The following ATP6V1C1 variants were observed in gnomAD, a reference collection of about 807,000 sequenced individuals.
ATP6V1C1 encodes V-type proton ATPase subunit C 1.
Under a neutral mutation model 53.9 loss-of-function variants are expected in ATP6V1C1, and 45 were observed. The observed-to-expected ratio is 0.83, with a 90% CI of 0.66 to 1.07. The LOEUF is 1.07. ATP6V1C1 is among the 50% of genes least tolerant of loss of function. The pLI is 0.00. For synonymous variants in ATP6V1C1, 153 were observed against 155.2 expected (o/e 0.99, Z 0.11); for missense variants, 315 against 440.3 (o/e 0.72, Z 2.55).
intron 1 of ATP6V1C1, among the ~76,000 whole-genome samples, chr8:103,029,759 G>A (rs1816764117): frequency 6.6e-6 from 1 of 151,204 alleles, no homozygotes. Context: ...TTGAGATGGA[G>A]TCTTGCTTTG....
At chr8:103,067,396 CAAAA>C (rs751801442) in intron 12 of ATP6V1C1, among the ~76,000 whole-genome samples, 1 of 71,952 alleles carries the variant, frequency 1.4e-5, no homozygotes, top group African/African-American at 4.6e-5. Context: ...GACTCCGTCC[CAAAA>C]AAAAAAAAAA....
chr8:103,032,559 C>A (rs111356868), intron 1 of ATP6V1C1, among the ~76,000 whole-genome samples: 1 of 152,010 alleles, frequency 6.6e-6, no homozygotes, highest in African/African-American at 2.4e-5. Context: ...CTCACTGCAA[C>A]CTCCACCTTT....
intron 5 of ATP6V1C1, among the ~76,000 whole-genome samples, chr8:103,051,592 C>T (rs1817200627): frequency 6.6e-6 from 1 of 152,084 alleles, no homozygotes; most frequent in Non-Finnish European, 1.5e-5. Context: ...GATCCTCTGC[C>T]TGGAAAAATT....
At position 103,026,919 on chromosome 8, in the gene ATP6V1C1, T is replaced by C. The variant is rs78907297; in HGVS notation, c.-40+5694T>C. Among the ~76,000 whole-genome samples, 860 of 152,326 alleles carry C rather than the reference T, an allele frequency of 5.6e-3. 5 individuals carry two copies. The highest frequency in any genetic ancestry group is 0.02 in the African/African-American group (815 of 41,566). ...AAATCCCCCTTCTAGTTACTGAAAA[T>C]GTTTAAACAAGTTGTATTATGAGCA... On this transcript the variant is annotated intron_variant, in intron 1 of 12. Coordinates refer to ENST00000518738, the MANE Select transcript of ATP6V1C1 (RefSeq NM_001695.5).
chr8:103,023,206 C>T (rs1816628738), intron 1 of ATP6V1C1, among the ~76,000 whole-genome samples: 1 of 151,350 alleles, frequency 6.6e-6, no homozygotes, highest in South Asian at 2.1e-4. Flanking sequence ...GGGGTCACGC[C>T]AAGCAGAGCT....
rs1817603982 is a variant in ATP6V1C1 at position 103,072,613 on chromosome 8, T to C, written c.*3866T>C. ...TGCACTTATTAATGGTCTTTATTTT[T>C]CTAGCATAGATAACAATTGATTCTT... On this transcript the variant is annotated 3_prime_UTR_variant, in exon 13 of 13. Coordinates refer to ENST00000518738, the MANE Select transcript of ATP6V1C1 (RefSeq NM_001695.5). The C allele has an allele frequency of 6.6e-6, 1 of 152,236 alleles. No individual in the cohort carries two copies. The highest frequency in any genetic ancestry group is 6.5e-5 in the Admixed American group (1 of 15,286). 9.4% of individuals were successfully genotyped at this position (152,236 alleles called of 1,614,324 possible). A position where few individuals can be genotyped will look rare whatever the true frequency, so the allele number is the denominator to read the frequency against.
chr8:103,066,226 A>G, intron 11 of ATP6V1C1, 95 bp from the exon 12 acceptor site: 1 of 1,406,106 alleles, frequency 7.1e-7, no homozygotes. Flanking sequence ...CTCCCCGTTA[A>G]CCATGATTAA....
chr8:103,063,405 A>C, intron 10 of ATP6V1C1, 177 bp downstream of exon 10: 1 of 515,226 alleles, frequency 1.9e-6, no homozygotes, highest in East Asian at 3.1e-5. Flanking sequence ...TGTTCTAGAG[A>C]TAACTATTCT....
Position 103,040,981 on chromosome 8 carries a change from T to G in ATP6V1C1, c.132+13T>G. 1 of 1,611,750 alleles carries G rather than the reference T, an allele frequency of 6.2e-7. No homozygotes were observed. The highest frequency in any genetic ancestry group is 8.5e-7 in the Non-Finnish European group (1 of 1,178,644). On this transcript the variant is annotated intron_variant, in intron 2 of 12. Coordinates refer to ENST00000518738, the MANE Select transcript of ATP6V1C1 (RefSeq NM_001695.5). ...TCCTGACTTAAAGGTGAAGCTGCAC[T>G]GTGCAAAATTATATATGAGTTCATC...
chr8:103,062,417 A>AC (rs1393024786), intron 8 of ATP6V1C1, among the ~76,000 whole-genome samples: 3 of 151,476 alleles, frequency 2.0e-5, no homozygotes, highest in African/African-American at 7.3e-5. Context: ...GCAATCACCC[A>AC]CCTCAGCCTG....
At chr8:103,037,904 A>G (rs1016834684) in intron 1 of ATP6V1C1, among the ~76,000 whole-genome samples, 3 of 152,238 alleles carry the variant, frequency 2.0e-5, no homozygotes, top group African/African-American at 7.2e-5. Context: ...TCTGAACACT[A>G]TATACTATTA....
At position 103,068,756 on chromosome 8, in the gene ATP6V1C1, T is replaced by C; in HGVS notation, c.*9T>C. On this transcript the variant is annotated 3_prime_UTR_variant, in exon 13 of 13. Transcript: ENST00000518738. ...TGCTGGAATTCAAGTGAAAATGGGC[T>C]CCTCCCCCGACAATCCTGTCCTTGT... 2 of 1,602,898 alleles carry C rather than the reference T, an allele frequency of 1.2e-6. No homozygotes were observed. Among genetic ancestry groups the C allele is most frequent in the East Asian group, 2.2e-5 (1 of 44,604 alleles).
At chr8:103,048,489 G>A (rs150701352) in intron 3 of ATP6V1C1, among the ~76,000 whole-genome samples, 192 of 152,300 alleles carry the variant, frequency 1.3e-3, no homozygotes, top group African/African-American at 4.4e-3. Context: ...GCATGTCATA[G>A]GAACATAGTG....
intron 1 of ATP6V1C1, among the ~76,000 whole-genome samples, chr8:103,036,974 C>T (rs750902397): frequency 1.3e-5 from 2 of 152,206 alleles, no homozygotes; most frequent in East Asian, 1.9e-4. Context: ...AAACCACGAT[C>T]GCTTAGATCT....
chr8:103,048,852 A>C lies in ATP6V1C1; in HGVS notation c.201-18A>C, dbSNP rs1817150224. 4 of 1,599,548 alleles carry C rather than the reference A, an allele frequency of 2.5e-6. No individual in the cohort carries two copies. The highest frequency in any genetic ancestry group is 1.7e-4 in the Middle Eastern group (1 of 6,000). ...ATCTTTTTCCTGAGAATGGTTGTTG[A>C]TATTTTTTCTTCCCCAGAGTGGTTA... On this transcript the variant is annotated intron_variant, in intron 3 of 12. Coordinates refer to ENST00000518738, the MANE Select transcript of ATP6V1C1 (RefSeq NM_001695.5).
chr8:103,027,149 GGC>G (rs1816710874), intron 1 of ATP6V1C1, among the ~76,000 whole-genome samples: 1 of 152,190 alleles, frequency 6.6e-6, no homozygotes, highest in Non-Finnish European at 1.5e-5. Context: ...ACATTTGGAA[GGC>G]TATGTGATAT....
At chr8:103,027,713 T>A (rs1816723036) in intron 1 of ATP6V1C1, among the ~76,000 whole-genome samples, 1 of 151,934 alleles carries the variant, frequency 6.6e-6, no homozygotes, top group Non-Finnish European at 1.5e-5. Flanking sequence ...CTTTTTTTTT[T>A]AAGCAGCACA....
rs1050935794 is a variant in ATP6V1C1 at position 103,065,881 on chromosome 8, A to G, written c.927-440A>G. 1.1e-4 allele frequency among the ~76,000 whole-genome samples: 17 copies of G among 152,178 alleles called. No individual in the cohort carries two copies. In the South Asian group the frequency reaches 2.3e-3, roughly 20 times the overall value. On this transcript the variant is annotated intron_variant, in intron 11 of 12. Transcript: ENST00000518738. Reference sequence around the variant, plus strand: ...ACATGGTGAAACCCCGTCTCTACTAAAAATAGAAAAATCAGCTGGGCATGG... The same window carrying G: ...ACATGGTGAAACCCCGTCTCTACTAGAAATAGAAAAATCAGCTGGGCATGG...
At chr8:103,059,535 C>T (rs1383030163) in intron 8 of ATP6V1C1, among the ~76,000 whole-genome samples, 1 of 151,624 alleles carries the variant, frequency 6.6e-6, no homozygotes, top group Non-Finnish European at 1.5e-5. Flanking sequence ...CACCGGCCCC[C>T]CACCTGAAAT....
Sources: allele counts gnomAD v4.1 joint callset (sites outside exome capture counted in the v4.1 genomes callset), GRCh38; gene constraint gnomAD v4.1.1; transcripts MANE v1.5; gene names NCBI Gene and HGNC (gene_info 2026-07-23, HGNC 2026-07-21).